The following EPHA6 variants were observed in gnomAD, a reference collection of about 807,000 sequenced individuals.
EPHA6 encodes the protein EPH receptor A6, also known as ephrin type-A receptor 6.
A neutral mutation model predicts 112.0 loss-of-function variants in EPHA6; 50 were observed. That is an observed-to-expected ratio of 0.45 (90% CI 0.36 to 0.56). The LOEUF (loss-of-function observed/expected upper bound fraction) is 0.56. EPHA6 is among the 20% of genes least tolerant of loss of function. EPHA6 has a pLI of 0.00. For missense variants in EPHA6, 1,280 were observed against 1,417.4 expected, an observed-to-expected ratio of 0.90 and a Z score of 1.56; for synonymous variants, 529 against 490.7, an observed-to-expected ratio of 1.08 and a Z score of -1.03.
chr3:97,417,637 G>A (rs1276419789), intron 6 of EPHA6, among the ~76,000 whole-genome samples: 4 of 152,090 alleles, frequency 2.6e-5, no homozygotes, highest in Admixed American at 6.6e-5. Context: ...GAGCTTGGAG[G>A]GGAAAGATGG....
chr3:97,092,461 G>A (rs1029731126), intron 3 of EPHA6, among the ~76,000 whole-genome samples: 5 of 152,040 alleles, frequency 3.3e-5, no homozygotes, highest in Admixed American at 2.0e-4. Flanking sequence ...AGGCCTGAGC[G>A]AAAATAAGGT....
intron 10 of EPHA6, among the ~76,000 whole-genome samples, chr3:97,520,681 G>A (rs1042071822): frequency 5.3e-5 from 8 of 152,128 alleles, no homozygotes; most frequent in African/African-American, 1.4e-4. Context: ...GTAATGTGCC[G>A]TGGAGAAGAC....
At chr3:97,497,255 C>T (rs138243760) in intron 10 of EPHA6, among the ~76,000 whole-genome samples, 4 of 152,302 alleles carry the variant, frequency 2.6e-5, no homozygotes, top group Non-Finnish European at 4.4e-5. Context: ...CTTTCCTTCA[C>T]GCATTGCTCT....
At chr3:96,883,774 C>A (rs1459898004) in intron 2 of EPHA6, among the ~76,000 whole-genome samples, 1 of 152,054 alleles carries the variant, frequency 6.6e-6, no homozygotes, top group African/African-American at 2.4e-5. Flanking sequence ...TGAAGTAATT[C>A]TCCCTGCCTC....
intron 14 of EPHA6, among the ~76,000 whole-genome samples, chr3:97,673,067 T>C (rs2031008032): frequency 6.6e-6 from 1 of 152,214 alleles, no homozygotes; most frequent in Non-Finnish European, 1.5e-5. Flanking sequence ...CTAGGAGGGC[T>C]GCCTATTAAT....
At chr3:97,237,267 C>T (rs1303485430) in intron 4 of EPHA6, among the ~76,000 whole-genome samples, 1 of 151,628 alleles carries the variant, frequency 6.6e-6, no homozygotes, top group Non-Finnish European at 1.5e-5. Flanking sequence ...TCGTATATTG[C>T]AATGCTGTAT....
intron 3 of EPHA6, among the ~76,000 whole-genome samples, chr3:97,118,564 G>A (rs2047958098): frequency 6.6e-6 from 1 of 151,538 alleles, no homozygotes; most frequent in Non-Finnish European, 1.5e-5. Flanking sequence ...TTCCTTTTCT[G>A]TTTTTTGCTA....
intron 14 of EPHA6, among the ~76,000 whole-genome samples, chr3:97,642,625 G>A (rs909649367): frequency 3.0e-4 from 45 of 152,090 alleles, no homozygotes; most frequent in Non-Finnish European, 3.5e-4. Flanking sequence ...ACCAAGGCTC[G>A]AGAACTACGT....
intron 3 of EPHA6, among the ~76,000 whole-genome samples, chr3:97,159,711 G>A (rs183562274): frequency 6.6e-6 from 1 of 152,246 alleles, no homozygotes; most frequent in African/African-American, 2.4e-5. Context: ...AACATGTTAA[G>A]ACCAGTGAAT....
intron 6 of EPHA6, among the ~76,000 whole-genome samples, chr3:97,415,064 A>C (rs546618609): frequency 6.6e-6 from 1 of 152,150 alleles, no homozygotes. Flanking sequence ...AAGGTAACTC[A>C]GAGTCCTCTT....
At chr3:97,666,591 CTT>C (rs1165163875) in intron 14 of EPHA6, among the ~76,000 whole-genome samples, 2 of 152,174 alleles carry the variant, frequency 1.3e-5, no homozygotes, top group Non-Finnish European at 2.9e-5. Context: ...GTGCATGTCT[CTT>C]TGTCCAAATT....
intron 2 of EPHA6, among the ~76,000 whole-genome samples, chr3:96,970,007 C>A (rs1218250292): frequency 6.6e-6 from 1 of 151,762 alleles, no homozygotes; most frequent in Non-Finnish European, 1.5e-5. Context: ...AATATTATAC[C>A]TTTTAGTTAA....
At chr3:97,015,826 TA>T (rs1365620093) in intron 3 of EPHA6, among the ~76,000 whole-genome samples, 1 of 152,178 alleles carries the variant, frequency 6.6e-6, no homozygotes, top group Non-Finnish European at 1.5e-5. Context: ...CAGAAACAGA[TA>T]ATTTATTTAA....
chr3:97,597,786 A>G (rs1401864464), intron 12 of EPHA6, among the ~76,000 whole-genome samples: 2 of 152,240 alleles, frequency 1.3e-5, no homozygotes, highest in African/African-American at 4.8e-5. Context: ...CAGAAAGTAT[A>G]TGGCTTAGAT....
chr3:97,626,396 T>C (rs1251402088), intron 13 of EPHA6, among the ~76,000 whole-genome samples: 1 of 151,768 alleles, frequency 6.6e-6, no homozygotes, highest in Non-Finnish European at 1.5e-5. Flanking sequence ...ATTTTCTACA[T>C]GAACACTCAA....
intron 3 of EPHA6, among the ~76,000 whole-genome samples, chr3:97,211,545 G>T (rs781203933): frequency 1.2e-4 from 18 of 152,228 alleles, no homozygotes; most frequent in Non-Finnish European, 2.2e-4. Context: ...TTTGCAGATG[G>T]CTATCTTCTG....
intron 11 of EPHA6, among the ~76,000 whole-genome samples, chr3:97,545,969 A>G (rs1290122424): frequency 5.3e-5 from 8 of 152,212 alleles, no homozygotes; most frequent in East Asian, 1.9e-4. Flanking sequence ...CTCTGCACAT[A>G]AGATGGGTTT....
chr3:97,403,361 G>C (rs2109118070), intron 5 of EPHA6, among the ~76,000 whole-genome samples: 1 of 152,194 alleles, frequency 6.6e-6, no homozygotes, highest in African/African-American at 2.4e-5. Context: ...ATGTTTAACA[G>C]TTCCCTCTTG....
intron 3 of EPHA6, among the ~76,000 whole-genome samples, chr3:97,034,850 A>G (rs1466402210): frequency 1.3e-5 from 2 of 151,880 alleles, no homozygotes; most frequent in Non-Finnish European, 2.9e-5. Flanking sequence ...TTCCTTTTGA[A>G]CTTTTCTGAG....
Sources: gnomAD v4.1 joint callset for allele counts (sites outside exome capture counted in the v4.1 genomes callset) on GRCh38, gnomAD v4.1.1 for gene constraint, MANE v1.5 for transcripts, NCBI Gene and HGNC (gene_info 2026-07-23, HGNC 2026-07-21) for gene names.